Variants in TTC22 observed in about 807,000 individuals in gnomAD.
The protein encoded by TTC22 is tetratricopeptide repeat domain 22.
A neutral mutation model predicts 48.2 loss-of-function variants in TTC22; 42 were observed. The ratio of observed to expected loss-of-function variants is 0.87; its 90% confidence interval spans 0.68 to 1.13. The LOEUF (loss-of-function observed/expected upper bound fraction) is 1.13, where lower values mean the gene tolerates loss of function less well. TTC22 is among the 50% of genes most tolerant of loss of function. The pLI, the probability that TTC22 is intolerant of heterozygous loss-of-function variation, is 0.00. For synonymous variants in TTC22, 345 were observed against 365.5 expected (o/e 0.94, Z 0.64); for missense variants, 784 against 807.0 (o/e 0.97, Z 0.34).
rs1646265009 is a variant in TTC22 at position 54,781,736 on chromosome 1, G to A, written c.1217C>T (p.Ala406Val). Residue 406 changes from alanine to valine, a missense_variant, in exon 7 of 7, where the codon GCG (alanine) becomes GTG (valine). Transcript: ENST00000371276. ...MGVDAVQELL[A>V]VDEAALNQAL... Reference sequence around the variant, plus strand: ...CTGGTTCAGCGCCGCCTCGTCCACCGCCAGCAGCTCCTGCACCGCGTCCAC... The same window carrying A: ...CTGGTTCAGCGCCGCCTCGTCCACCACCAGCAGCTCCTGCACCGCGTCCAC... 1 of 1,510,110 alleles carries A rather than the reference G, an allele frequency of 6.6e-7. No individual in the cohort carries two copies. The highest frequency in any genetic ancestry group is 8.8e-7 in the Non-Finnish European group (1 of 1,133,932). 93.5% of individuals were successfully genotyped at this position (1,510,110 alleles called of 1,614,324 possible). A position where few individuals can be genotyped will look rare whatever the true frequency, so the allele number is the denominator to read the frequency against.
chr1:54,781,828 C>T (rs1305301277), intron 6 of TTC22, 49 bp from the exon 7 acceptor site: 8 of 1,368,940 alleles, frequency 5.8e-6, no homozygotes, highest in Middle Eastern at 2.6e-4. Flanking sequence ...CGCGGCTCCA[C>T]GCTCATTCCC....
chr1:54,784,618 A>G (rs1220085207), intron 5 of TTC22: 1 of 1,088,718 alleles, frequency 9.2e-7, no homozygotes, highest in Non-Finnish European at 1.1e-6. Context: ...TGTCATTATT[A>G]TCTAGAATAA....
chr1:54,785,534 G>A (rs1646293410), intron 5 of TTC22: 1 of 452,692 alleles, frequency 2.2e-6, no homozygotes, highest in Non-Finnish European at 4.4e-6. Flanking sequence ...TTACAGGGCT[G>A]GGTGTAGTGG....
chr1:54,782,281 C>G (rs1345767214), intron 6 of TTC22, 44 bp downstream of exon 6: 14 of 1,479,832 alleles, frequency 9.5e-6, no homozygotes, highest in Non-Finnish European at 1.3e-5. Context: ...AAGGAGTAAA[C>G]AGATTCTTGC....
chr1:54,796,594 G>T (rs1320098054), intron 1 of TTC22, among the ~76,000 whole-genome samples: 9 of 152,244 alleles, frequency 5.9e-5, no homozygotes, highest in Admixed American at 1.3e-4. Flanking sequence ...CTCAGGGCCT[G>T]CCCTGGTGTG....
rs1056272629 is a variant in TTC22, at chr1:54,784,805, C to G, written c.1020+1178G>C. On this transcript the variant is annotated intron_variant, in intron 5 of 6. Transcript: ENST00000371276. ...CTTGCAGTGAAGTAAACTGGGAGCT[C>G]CGAGTCGGCTTCCTCAAGCACATGG... The G allele has an allele frequency of 4.8e-5, 62 of 1,299,556 alleles. 1 individual carries two copies. In the Admixed American group the frequency reaches 1.4e-3, roughly 30 times the overall value. The allele number at this position is 1,299,556 out of a possible 1,614,324, so 80.5% of individuals were successfully genotyped here.
At chr1:54,786,763 C>T (rs1159426586) in intron 4 of TTC22, 194 bp downstream of exon 4, 2 of 414,098 alleles carry the variant, frequency 4.8e-6, no homozygotes, top group Non-Finnish European at 4.2e-6. Context: ...GGGCTGGGGC[C>T]AGACTGGGTA....
Position 54,785,903 on chromosome 1 carries a change from CTGGCAACAGGGTCT to C in TTC22, c.1020+66_1020+79del, listed in dbSNP as rs907372727. The C allele has an allele frequency of 7.7e-6, 11 of 1,427,418 alleles. No individual in the cohort carries two copies. The Admixed American group carries it at 1.7e-4, about 22-fold the overall frequency. The allele number at this position is 1,427,418 out of a possible 1,614,324, so 88.4% of individuals were successfully genotyped here. A position where few individuals can be genotyped will look rare whatever the true frequency, so the allele number is the denominator to read the frequency against. On this transcript the variant is annotated intron_variant, in intron 5 of 6. Transcript: ENST00000371276. ...ATGAGGACTCCCTGACCCTTGGGCC[CTGGCAACAGGGTCT>C]TGGCCTCTGGCCCTTGTTCTCTGAT... is the stretch of plus-strand genomic sequence containing the variant.
Position 54,786,998 on chromosome 1 carries a change from A to G in TTC22, c.817T>C (p.Cys273Arg). 6.4e-7 allele frequency: 1 copy of G among 1,564,848 alleles called. No homozygotes were observed. The highest frequency in any genetic ancestry group is 1.2e-5 in the South Asian group (1 of 83,710). Residue 273 changes from cysteine to arginine, a missense_variant, in exon 4 of 7, where the codon TGC (cysteine) becomes CGC (arginine). Coordinates refer to ENST00000371276, the MANE Select transcript of TTC22 (RefSeq NM_001114108.2). ...FSTTPMGVHD[C>R]GYSGTDPLDC... ...AGAGGGTCGGTCCCTGAGTACCCGC[A>G]GTCATGGACGCCCATGGGGGTGGTG... is the stretch of plus-strand genomic sequence containing the variant.
intron 6 of TTC22, 75 bp from the exon 7 acceptor site, chr1:54,781,854 T>TA (rs988239634): frequency 2.1e-4 from 265 of 1,283,828 alleles, no homozygotes; most frequent in South Asian, 2.4e-4. Context: ...ACGCTTGCTT[T>TA]AAAAAAAAAT....
At chr1:54,785,697 C>T (rs952978888) in intron 5 of TTC22, 11 of 420,810 alleles carry the variant, frequency 2.6e-5, no homozygotes, top group African/African-American at 2.2e-4. Flanking sequence ...CCTGTAGTCC[C>T]AGCTATTTGG....
intron 1 of TTC22, among the ~76,000 whole-genome samples, chr1:54,799,898 A>G (rs1646419602): frequency 6.6e-6 from 1 of 152,216 alleles, no homozygotes; most frequent in African/African-American, 2.4e-5. Context: ...TGACATATGT[A>G]ACATTACTAT....
intron 1 of TTC22, among the ~76,000 whole-genome samples, chr1:54,792,294 G>A (rs897135796): frequency 1.3e-5 from 2 of 152,206 alleles, no homozygotes; most frequent in African/African-American, 4.8e-5. Flanking sequence ...TGGGGTCAGT[G>A]GAAATGGAAC....
At chr1:54,783,876 C>A (rs993312560) in intron 5 of TTC22, among the ~76,000 whole-genome samples, 1 of 152,120 alleles carries the variant, frequency 6.6e-6, no homozygotes, top group Non-Finnish European at 1.5e-5. Flanking sequence ...GTGGTGCACA[C>A]CTGTGGTCCC....
In TTC22 at chr1:54,786,086, T is replaced by C; in HGVS notation, c.917A>G (p.Tyr306Cys). Residue 306 changes from tyrosine to cysteine, a missense_variant, in exon 5 of 7, where the codon TAC (tyrosine) becomes TGC (cysteine). By Grantham distance (194) the Tyr-to-Cys change is radical. Transcript: ENST00000371276. ...PILNRLAKIF[Y>C]FLGKQDMAIG... is the part of the protein sequence containing the mutation. Reference sequence around the variant, plus strand: ...GGCCATATCCTGCTTTCCCAGGAAGTAGAAGATTTTTGCCAGGCGATTCAG... The same window carrying C: ...GGCCATATCCTGCTTTCCCAGGAAGCAGAAGATTTTTGCCAGGCGATTCAG... The C allele has an allele frequency of 6.2e-7, 1 of 1,614,060 alleles. No individual in the cohort carries two copies. The highest frequency in any genetic ancestry group is 8.5e-7 in the Non-Finnish European group (1 of 1,179,972).
intron 1 of TTC22, among the ~76,000 whole-genome samples, chr1:54,797,281 TAC>T (rs1417215353): frequency 5.1e-5 from 4 of 78,338 alleles, no homozygotes; most frequent in Admixed American, 1.2e-4. Context: ...GGCGTGTGTA[TAC>T]ACATGTGTGT....
Position 54,781,588 on chromosome 1 carries a change from G to C in TTC22, c.1365C>G (p.Phe455Leu), listed in dbSNP as rs1161087175. 1.3e-6 allele frequency: 2 copies of C among 1,524,178 alleles called. No homozygotes were observed. Among genetic ancestry groups the C allele is most frequent in the Non-Finnish European group, 1.8e-6 (2 of 1,142,016 alleles). 94.4% of individuals were successfully genotyped at this position (1,524,178 alleles called of 1,614,324 possible). A position where few individuals can be genotyped will look rare whatever the true frequency, so the allele number is the denominator to read the frequency against. ...CGTCGTCCAGCTCCACTGCGCGCTT[G>C]AAGCAGGCGGCCGCGTTGGCGTCCT... ...KGEDANAAAC[F>L]KRAVELDDAG... Residue 455 changes from phenylalanine to leucine, a missense_variant, in exon 7 of 7, where the codon TTC becomes TTG. Phe to Leu is a conservative substitution (Grantham distance 22, BLOSUM62 0). Transcript: ENST00000371276.
At chr1:54,793,868 A>T (rs993888503) in intron 1 of TTC22, among the ~76,000 whole-genome samples, 1 of 152,196 alleles carries the variant, frequency 6.6e-6, no homozygotes, top group Non-Finnish European at 1.5e-5. Flanking sequence ...AGAGTGACAC[A>T]GCTAGCAGGT....
At position 54,788,056 on chromosome 1, in the gene TTC22, TGC is replaced by T; in HGVS notation, c.607_608del (p.Ala203AsnfsTer16). 2.5e-6 allele frequency: 4 copies of T among 1,613,954 alleles called. No individual in the cohort carries two copies. The highest frequency in any genetic ancestry group is 3.4e-6 in the Non-Finnish European group (4 of 1,179,944). ...EEKRGWYFTM[A>X]TLYIRLDGIF... ...TCTTGCCTGACCTGATGTAGAGTGTTGCCATGGTGAAATACCAGCCCCTTTTC... is the reference window on the plus strand; with the variant it reads ...TCTTGCCTGACCTGATGTAGAGTGTTCATGGTGAAATACCAGCCCCTTTTC... On this transcript the variant is annotated frameshift_variant, in exon 2 of 7. Coordinates refer to ENST00000371276, the MANE Select transcript of TTC22 (RefSeq NM_001114108.2). LOFTEE classifies it high-confidence loss of function.
Sources: gnomAD v4.1 joint callset for allele counts (sites outside exome capture counted in the v4.1 genomes callset) on GRCh38, gnomAD v4.1.1 for gene constraint, MANE v1.5 for transcripts, NCBI Gene and HGNC (gene_info 2026-07-23, HGNC 2026-07-21) for gene names.